RANBP2: variants seen among roughly 807,000 people sequenced by gnomAD.
The protein encoded by RANBP2 is RAN binding protein 2, also known as E3 SUMO-protein ligase RanBP2.
RANBP2 carries 57 observed loss-of-function variants against 303.6 expected under a neutral mutation model. The observed-to-expected ratio is 0.19, with a 90% CI of 0.15 to 0.23. The LOEUF (loss-of-function observed/expected upper bound fraction) is 0.23, where lower values mean the gene tolerates loss of function less well. Among genes scored for constraint, RANBP2 ranks in the 10% least tolerant of loss-of-function variants. The pLI, the probability that RANBP2 is intolerant of heterozygous loss-of-function variation, is 1.00. For missense variants in RANBP2, 3,138 were observed against 3,780.8 expected (o/e 0.83, Z 4.46); for synonymous variants, 1,167 against 1,301.5 (o/e 0.90, Z 2.23).
At chr2:108,907,911 C>T in the RANBP2 span, 21 of 1,613,694 alleles carry the variant, frequency 1.3e-5, no homozygotes, top group Non-Finnish European at 1.8e-5. Context: ...GGTGAACCAG[C>T]GACAGCAGGC....
At chr2:109,414,272 T>C in the RANBP2 span, among the ~76,000 whole-genome samples, 43,259 of 152,148 alleles carry the variant, frequency 0.28, 7,662 homozygotes, top group Non-Finnish European at 0.39. Flanking sequence ...GACTGCTTTA[T>C]AGCCTGTGGG....
At chr2:109,172,331 G>T in the RANBP2 span, among the ~76,000 whole-genome samples, 2 of 152,240 alleles carry the variant, frequency 1.3e-5, 1 homozygote, top group Non-Finnish European at 2.9e-5. Context: ...GCGTGGAAAT[G>T]CGCGAGCCAG....
At chr2:109,496,083 C>T in the RANBP2 span, among the ~76,000 whole-genome samples, 1 of 152,172 alleles carries the variant, frequency 6.6e-6, no homozygotes, top group Admixed American at 6.5e-5. Context: ...AGCTTTTATT[C>T]CCTTATTTGT....
chr2:109,034,486 A>G, the RANBP2 span, among the ~76,000 whole-genome samples: 1 of 152,140 alleles, frequency 6.6e-6, no homozygotes, highest in Non-Finnish European at 1.5e-5. Flanking sequence ...CTGAGGGGCT[A>G]TGGCAAGAGA....
At chr2:109,591,619 A>T in the RANBP2 span, among the ~76,000 whole-genome samples, 1 of 152,212 alleles carries the variant, frequency 6.6e-6, no homozygotes, top group South Asian at 2.1e-4. Flanking sequence ...ATTACTGGCC[A>T]GGTGTGGTGG....
At chr2:109,134,461 G>T in the RANBP2 span, among the ~76,000 whole-genome samples, 1 of 152,188 alleles carries the variant, frequency 6.6e-6, no homozygotes, top group Non-Finnish European at 1.5e-5. Context: ...ACAGCAGTTT[G>T]CAGCCAGCGA....
the RANBP2 span, chr2:109,544,834 TG>T: frequency 1.3e-6 from 1 of 753,630 alleles, no homozygotes; most frequent in Non-Finnish European, 1.6e-6. Flanking sequence ...CTCTAGGCTC[TG>T]GGGATGGCTA....
chr2:109,449,124 T>G, the RANBP2 span: 1 of 1,584,552 alleles, frequency 6.3e-7, no homozygotes, highest in Non-Finnish European at 8.6e-7. Flanking sequence ...CATGGCAAGT[T>G]GCAAACTAAC....
chr2:109,295,535 G>A, the RANBP2 span, among the ~76,000 whole-genome samples: 1 of 152,216 alleles, frequency 6.6e-6, no homozygotes, highest in Non-Finnish European at 1.5e-5. Context: ...TGAAGAAGGG[G>A]GCTTCATGTT....
chr2:109,063,645 A>G, the RANBP2 span, among the ~76,000 whole-genome samples: 37 of 152,162 alleles, frequency 2.4e-4, no homozygotes, highest in African/African-American at 8.7e-4. Context: ...ACACACACAC[A>G]GGCACATACA....
the RANBP2 span, among the ~76,000 whole-genome samples, chr2:109,420,635 T>C: frequency 1.3e-5 from 2 of 152,032 alleles, no homozygotes; most frequent in Non-Finnish European, 2.9e-5. Flanking sequence ...TTAGTAGAGA[T>C]GGGGTTTCAC....
At chr2:109,496,754 C>T in the RANBP2 span, among the ~76,000 whole-genome samples, 2 of 150,352 alleles carry the variant, frequency 1.3e-5, no homozygotes, top group Admixed American at 1.3e-4. Context: ...CCTAAAAACT[C>T]ATGACTATGT....
At position 108,719,482 on chromosome 2, in the gene RANBP2, A is replaced by G; in HGVS notation, c.-125A>G. On this transcript the variant is annotated 5_prime_UTR_variant, in exon 1 of 29. Coordinates refer to ENST00000283195, the MANE Select transcript of RANBP2 (RefSeq NM_006267.5). The stretch of plus-strand genomic sequence containing the variant: ...CCGCCGGCTGCGCCGCAAGTTCGTC[A>G]CAGTGGTCCTCCGCCGGCTACGGCG... 6.8e-7 allele frequency: 1 copy of G among 1,479,356 alleles called. No homozygotes were observed. Among genetic ancestry groups the G allele is most frequent in the South Asian group, 1.2e-5 (1 of 82,084 alleles). The allele number at this position is 1,479,356 out of a possible 1,614,324, so 91.6% of individuals were successfully genotyped here.
At chr2:109,389,867 G>T in the RANBP2 span, among the ~76,000 whole-genome samples, 1 of 152,144 alleles carries the variant, frequency 6.6e-6, no homozygotes, top group Non-Finnish European at 1.5e-5. Context: ...ACCTGCCTGG[G>T]CTGTGGCTGG....
At position 108,763,269 on chromosome 2, in the gene RANBP2, C is replaced by A. The variant is rs1184903711; in HGVS notation, c.2730C>A (p.Pro910=). The A allele has an allele frequency of 6.2e-7, 1 of 1,613,810 alleles. No homozygotes were observed. The highest frequency in any genetic ancestry group is 1.1e-5 in the South Asian group (1 of 91,080). The part of the protein sequence containing the change: ...GPVYGMNRLP[P]QQHIYAYPQQ... ...TCTATGGCATGAATAGGCTTCCACC[C>A]CAACAGCATATTTATGCCTATCCGC... The change falls in exon 20 of 29, where the codon CCC becomes CCA. Residue 910 remains proline, a synonymous_variant. Coordinates refer to ENST00000283195, the MANE Select transcript of RANBP2 (RefSeq NM_006267.5).
At chr2:108,817,770 G>A in the RANBP2 span, among the ~76,000 whole-genome samples, 1 of 152,152 alleles carries the variant, frequency 6.6e-6, no homozygotes, top group Non-Finnish European at 1.5e-5. Flanking sequence ...GATTTTGGCT[G>A]GCTGAGACCC....
chr2:109,156,807 C>G, the RANBP2 span, among the ~76,000 whole-genome samples: 1 of 152,174 alleles, frequency 6.6e-6, no homozygotes. Flanking sequence ...CGTAGGCTCT[C>G]TGCTGACCTG....
the RANBP2 span, among the ~76,000 whole-genome samples, chr2:109,464,487 T>C: frequency 9.9e-5 from 15 of 152,200 alleles, no homozygotes; most frequent in East Asian, 5.8e-4. Context: ...TGTACACATA[T>C]ACAGATGCAT....
the RANBP2 span, among the ~76,000 whole-genome samples, chr2:109,593,836 A>G: frequency 2.0e-5 from 3 of 152,204 alleles, no homozygotes; most frequent in Non-Finnish European, 4.4e-5. Context: ...CAGGGATTTT[A>G]TAATTTGAAC....
Sources: allele counts gnomAD v4.1 joint callset (sites outside exome capture counted in the v4.1 genomes callset), GRCh38; gene constraint gnomAD v4.1.1; transcripts MANE v1.5; gene names NCBI Gene and HGNC (gene_info 2026-07-23, HGNC 2026-07-21).